ANK3: variants seen among roughly 807,000 people sequenced by gnomAD.
ANK3 encodes ankyrin 3, also known as ankyrin-3.
Under a neutral mutation model 370.9 loss-of-function variants are expected in ANK3, and 57 were observed. The ratio of observed to expected loss-of-function variants is 0.15; its 90% confidence interval spans 0.12 to 0.19. The LOEUF (loss-of-function observed/expected upper bound fraction) is 0.19, where lower values mean the gene tolerates loss of function less well. Ranked by LOEUF, ANK3 falls within the 10% of genes least tolerant of loss-of-function variation. The probability of loss-of-function intolerance (pLI) is 1.00; values close to 1 mark genes in which losing one functional copy is unlikely to be tolerated. For synonymous variants in ANK3, 1,929 were observed against 1,946.3 expected, an observed-to-expected ratio of 0.99 and a Z score of 0.23; for missense variants, 4,439 against 5,302.1, an observed-to-expected ratio of 0.84 and a Z score of 5.06.
At chr10:60,400,104 C>T (rs180745210) in intron 2 of ANK3, among the ~76,000 whole-genome samples, 2 of 151,316 alleles carry the variant, frequency 1.3e-5, no homozygotes, top group African/African-American at 4.9e-5. Context: ...CTGTACTACA[C>T]CAGTGATAAC....
intron 1 of ANK3, among the ~76,000 whole-genome samples, chr10:60,365,043 C>G (rs537136188): frequency 2.7e-4 from 33 of 123,550 alleles, no homozygotes; most frequent in African/African-American, 7.9e-4. Flanking sequence ...CAAGTCAAGG[C>G]TTTGGCTATT....
chr10:60,125,131 GC>G (rs1273151325), intron 25 of ANK3, among the ~76,000 whole-genome samples: 3 of 151,936 alleles, frequency 2.0e-5, no homozygotes, highest in Non-Finnish European at 4.4e-5. Flanking sequence ...AAAATTAAAG[GC>G]CTACTATAAT....
chr10:60,123,543 T>C (rs10761460), intron 25 of ANK3, among the ~76,000 whole-genome samples: 43,614 of 152,048 alleles, frequency 0.29, 7,026 homozygotes, highest in East Asian at 0.66. Context: ...TTAACTCCAA[T>C]ATTAGTAATT....
intron 25 of ANK3, among the ~76,000 whole-genome samples, chr10:60,132,346 T>C (rs4948391): frequency 0.44 from 66,143 of 151,858 alleles, 14,805 homozygotes; most frequent in East Asian, 0.62. Context: ...TGGGAGGTAA[T>C]TGAATCATAG....
rs143339314 is a variant in ANK3, at chr10:60,127,927, T to G, written c.2841+6344A>C. 6.3e-3 allele frequency among the ~76,000 whole-genome samples: 953 copies of G among 152,094 alleles called. 11 individuals carry two copies. In the East Asian group the frequency reaches 0.065, roughly 10 times the overall value. ...TTAGCCAGGATGGTCTCGATCTCCT[T>G]ACCTCGTGATCTGCCCACCTTGGCC... On this transcript the variant is annotated intron_variant, in intron 25 of 43. Transcript: ENST00000280772.
chr10:60,169,696 A>G (rs1306104857), intron 21 of ANK3, among the ~76,000 whole-genome samples: 2 of 152,126 alleles, frequency 1.3e-5, no homozygotes, highest in South Asian at 4.1e-4. Flanking sequence ...TGCCTGAGAA[A>G]TTTGTGTCTT....
At chr10:60,390,589 G>A (rs2063009440), upstream of ANK3, among the ~76,000 whole-genome samples, 1 of 152,034 alleles carries the variant, frequency 6.6e-6, no homozygotes, top group African/African-American at 2.4e-5. Context: ...TCTTCTGCTA[G>A]GATGCACACA....
chr10:60,144,683 C>T (rs2132228553), intron 23 of ANK3, among the ~76,000 whole-genome samples: 1 of 152,146 alleles, frequency 6.6e-6, no homozygotes, highest in Admixed American at 6.5e-5. Context: ...ACTTCGTCTG[C>T]CAGGAAAACA....
Position 60,075,148 on chromosome 10 carries a change from G to A in ANK3, c.5733C>T (p.Asp1911=). ...ILKDVAEMKE[D]LMRMTAILQT... The stretch of plus-strand genomic sequence containing the variant: ...GTAGTATTGCGGTCATCCGCATTAG[G>A]TCCTCTTTCATTTCAGCTACATCTT... The change falls in exon 37 of 44, where the codon GAC becomes GAT. Residue 1911 remains aspartate (D), a synonymous_variant. Transcript: ENST00000280772. 1 of 1,614,098 alleles carries A rather than the reference G, an allele frequency of 6.2e-7. No individual in the cohort carries two copies. The highest frequency in any genetic ancestry group is 8.5e-7 in the Non-Finnish European group (1 of 1,180,022).
In ANK3 at chr10:60,026,680, G is replaced by A. The variant is rs1366046241; in HGVS notation, c.*3166C>T. The A allele has an allele frequency of 6.6e-6, 1 of 152,188 alleles. No homozygotes were observed. The highest frequency in any genetic ancestry group is 1.9e-4 in the East Asian group (1 of 5,192). 9.4% of individuals were successfully genotyped at this position (152,188 alleles called of 1,614,324 possible). On this transcript the variant is annotated 3_prime_UTR_variant, in exon 44 of 44. Coordinates refer to ENST00000280772, the MANE Select transcript of ANK3 (RefSeq NM_020987.5). ...TGCCAAAAAGTCCTTATTTACAGAG[G>A]AAAGGAGGCTAGCTGCTTATGTGTT...
Position 60,085,141 on chromosome 10 carries a change from T to C in ANK3, c.3845+16A>G, listed in dbSNP as rs769175196. ...ACTAATTCCTTACTGCTTTTTGGAATCCTTTATTTCCATACCTGGCTGAAA... is the reference window on the plus strand; with the variant it reads ...ACTAATTCCTTACTGCTTTTTGGAACCCTTTATTTCCATACCTGGCTGAAA... On this transcript the variant is annotated intron_variant, in intron 31 of 43. Coordinates refer to ENST00000280772, the MANE Select transcript of ANK3 (RefSeq NM_020987.5). 4.4e-6 allele frequency: 7 copies of C among 1,588,140 alleles called. No homozygotes were observed. In the East Asian group the frequency reaches 1.1e-4, roughly 26 times the overall value.
chr10:60,031,304 C>G lies in ANK3; in HGVS notation c.*20-1478G>C, dbSNP rs547193154. 4.6e-5 allele frequency among the ~76,000 whole-genome samples: 7 copies of G among 152,304 alleles called. No individual in the cohort carries two copies. In the East Asian group the frequency reaches 1.4e-3, roughly 29 times the overall value. ...TTGTATTTGAGCTTTTTAGTGGAGG[C>G]TCCACTGAGAATGTCTTGTCTTGCT... On this transcript the variant is annotated intron_variant, in intron 43 of 43. Transcript: ENST00000280772.
chr10:60,532,148 G>T (rs1235612780), intron 2 of ANK3, among the ~76,000 whole-genome samples: 2 of 152,132 alleles, frequency 1.3e-5, no homozygotes, highest in Non-Finnish European at 2.9e-5. Context: ...AATGGGCTGT[G>T]ATCAATTCAA....
intron 2 of ANK3, among the ~76,000 whole-genome samples, chr10:60,557,859 A>T (rs977861098): frequency 1.3e-5 from 2 of 152,300 alleles, no homozygotes; most frequent in East Asian, 3.9e-4. Flanking sequence ...ACTTCACTGC[A>T]TTGTTGTTAT....
chr10:60,186,699 G>T lies in ANK3; in HGVS notation c.2085+16C>A, dbSNP rs1398994431. The T allele has an allele frequency of 6.2e-7, 1 of 1,613,440 alleles. No individual in the cohort carries two copies. The highest frequency in any genetic ancestry group is 1.1e-5 in the South Asian group (1 of 90,990). ...TTTGGTGTGCTGCATGCTTTGTCAA[G>T]AAAGAAGTGGGTTACCTTATTGCTC... On this transcript the variant is annotated intron_variant, in intron 17 of 43. Transcript: ENST00000280772.
chr10:60,640,375 T>C (rs959279801), intron 1 of ANK3, among the ~76,000 whole-genome samples: 13 of 147,872 alleles, frequency 8.8e-5, no homozygotes, highest in African/African-American at 3.2e-4. Context: ...TGAACATTGA[T>C]GCAAAAATCC....
intron 8 of ANK3, among the ~76,000 whole-genome samples, chr10:60,230,202 T>C (rs762805420): frequency 1.3e-5 from 2 of 152,162 alleles, no homozygotes; most frequent in Non-Finnish European, 2.9e-5. Context: ...CAGAGCAAAC[T>C]AAAAATGACA....
At chr10:60,166,754 C>T (rs2095634803) in intron 22 of ANK3, 70 bp downstream of exon 22, 1 of 1,590,992 alleles carries the variant, frequency 6.3e-7, no homozygotes, top group African/African-American at 1.3e-5. Context: ...TTGCAATGGA[C>T]TTTCTTCAGG....
chr10:60,479,018 T>C (rs1236987483), intron 2 of ANK3, among the ~76,000 whole-genome samples: 1 of 152,174 alleles, frequency 6.6e-6, no homozygotes, highest in East Asian at 1.9e-4. Flanking sequence ...CACGATCTCA[T>C]CTTTATTAGC....
Sources: allele counts gnomAD v4.1 joint callset (sites outside exome capture counted in the v4.1 genomes callset), GRCh38; gene constraint gnomAD v4.1.1; transcripts MANE v1.5; gene names NCBI Gene and HGNC (gene_info 2026-07-23, HGNC 2026-07-21).